Variants in AGBL4 observed in about 807,000 individuals in gnomAD.
AGBL4 encodes AGBL carboxypeptidase 4.
A neutral mutation model predicts 66.4 loss-of-function variants in AGBL4; 58 were observed. The ratio of observed to expected loss-of-function variants is 0.87; its 90% CI spans 0.71 to 1.09. The LOEUF is 1.09. Ranked by LOEUF, AGBL4 falls within the 50% of genes least tolerant of loss-of-function variation. The pLI, the probability that AGBL4 is intolerant of heterozygous loss-of-function variation, is 0.00. For missense variants in AGBL4, 579 were observed against 631.0 expected, an observed-to-expected ratio of 0.92 and a Z score of 0.88; for synonymous variants, 234 against 222.9, an observed-to-expected ratio of 1.05 and a Z score of -0.44.
intron 1 of AGBL4, among the ~76,000 whole-genome samples, chr1:49,961,965 G>A (rs2148345098): frequency 6.6e-6 from 1 of 152,182 alleles, no homozygotes; most frequent in South Asian, 2.1e-4. Context: ...GAATTCTTTT[G>A]GAGATCAAGT....
intron 4 of AGBL4, among the ~76,000 whole-genome samples, chr1:49,047,268 G>A (rs1334750696): frequency 1.3e-5 from 2 of 152,108 alleles, no homozygotes; most frequent in Non-Finnish European, 2.9e-5. Flanking sequence ...GATGGGCCAT[G>A]GGGTCTAAGG....
At chr1:48,842,301 A>T (rs971573238) in intron 6 of AGBL4, among the ~76,000 whole-genome samples, 4 of 151,812 alleles carry the variant, frequency 2.6e-5, no homozygotes, top group African/African-American at 4.8e-5. Context: ...AGTGTATTTC[A>T]CTGAAGATGA....
intron 11 of AGBL4, among the ~76,000 whole-genome samples, chr1:48,575,275 G>T (rs1644633981): frequency 6.6e-6 from 1 of 152,112 alleles, no homozygotes; most frequent in Non-Finnish European, 1.5e-5. Context: ...AACTGGATCT[G>T]GGCTCCCGAG....
chr1:49,105,193 T>C (rs924985148), intron 4 of AGBL4, among the ~76,000 whole-genome samples: 10 of 152,300 alleles, frequency 6.6e-5, no homozygotes, highest in African/African-American at 2.2e-4. Context: ...AGGACAGGCA[T>C]GGCTTTTGCA....
intron 5 of AGBL4, among the ~76,000 whole-genome samples, chr1:48,904,267 T>G (rs1652371313): frequency 6.6e-6 from 1 of 152,110 alleles, no homozygotes; most frequent in African/African-American, 2.4e-5. Flanking sequence ...TGAGAGAGAC[T>G]CCATCTCAAG....
chr1:48,908,909 A>G (rs1310855948), intron 5 of AGBL4, among the ~76,000 whole-genome samples: 1 of 126,504 alleles, frequency 7.9e-6, no homozygotes, highest in East Asian at 2.4e-4. Context: ...GGCAAAGCAG[A>G]ACATAAATCA....
rs374868998 is a variant in AGBL4, at chr1:49,279,333, C to T, written c.283-33469G>A. On this transcript the variant is annotated intron_variant, in intron 3 of 13. Coordinates refer to ENST00000371839, the MANE Select transcript of AGBL4 (RefSeq NM_032785.4). ...CAAGGATTAGGATGACAAAGCCAGGCGCTGTCTTCAACTCAGCAAGTAAAT... is the reference window on the plus strand; with the variant it reads ...CAAGGATTAGGATGACAAAGCCAGGTGCTGTCTTCAACTCAGCAAGTAAAT... Among the ~76,000 whole-genome samples, 216 of 152,240 alleles carry T rather than the reference C, an allele frequency of 1.4e-3. 2 individuals are homozygous for T. Among genetic ancestry groups the T allele is most frequent in the South Asian group, 9.5e-3 (46 of 4,824 alleles).
intron 3 of AGBL4, among the ~76,000 whole-genome samples, chr1:49,368,162 G>A (rs1280984927): frequency 6.6e-6 from 1 of 152,060 alleles, no homozygotes; most frequent in Non-Finnish European, 1.5e-5. Context: ...CTCATCCATT[G>A]ATAGACACTG....
intron 2 of AGBL4, among the ~76,000 whole-genome samples, chr1:49,841,419 C>G (rs1165439049): frequency 1.3e-5 from 2 of 152,092 alleles, no homozygotes; most frequent in Non-Finnish European, 2.9e-5. Flanking sequence ...GCCATACTGT[C>G]CAAAACAACT....
chr1:49,280,645 G>C (rs561133044), intron 3 of AGBL4, among the ~76,000 whole-genome samples: 11 of 152,332 alleles, frequency 7.2e-5, no homozygotes, highest in Admixed American at 1.3e-4. Flanking sequence ...ACGAATTAAG[G>C]AGTATAGACA....
At chr1:50,008,281 C>T (rs1388769422) in intron 1 of AGBL4, among the ~76,000 whole-genome samples, 2 of 152,126 alleles carry the variant, frequency 1.3e-5, no homozygotes, top group Admixed American at 6.5e-5. Flanking sequence ...CAAAACAAGT[C>T]TTTAAAATTT....
intron 6 of AGBL4, among the ~76,000 whole-genome samples, chr1:48,732,952 G>A (rs1008547781): frequency 2.0e-5 from 3 of 152,210 alleles, no homozygotes; most frequent in African/African-American, 4.8e-5. Flanking sequence ...AGGAATGATC[G>A]TGTCAAACAG....
downstream of AGBL4, among the ~76,000 whole-genome samples, chr1:48,529,951 A>T (rs1643897051): frequency 6.6e-6 from 1 of 152,138 alleles, no homozygotes; most frequent in Non-Finnish European, 1.5e-5. Flanking sequence ...GGGCTTCAGC[A>T]GCAAGTGCTA....
rs572772013 is a variant in AGBL4, at chr1:48,575,756, C to G, written c.1267+11248G>C. On this transcript the variant is annotated intron_variant, in intron 11 of 13. Transcript: ENST00000371839. ...GATCCCCTCAAGGTTAGGTTAGATGCTTCTTTTCTCCATGTCCTGTGTTCC... is the reference window on the plus strand; with the variant it reads ...GATCCCCTCAAGGTTAGGTTAGATGGTTCTTTTCTCCATGTCCTGTGTTCC... Among the ~76,000 whole-genome samples, 4 of 152,304 alleles carry G rather than the reference C, an allele frequency of 2.6e-5. No homozygotes were observed. The South Asian group carries it at 8.3e-4, about 32-fold the overall frequency.
intron 3 of AGBL4, among the ~76,000 whole-genome samples, chr1:49,346,098 A>G (rs1375297633): frequency 6.6e-6 from 1 of 152,200 alleles, no homozygotes; most frequent in Admixed American, 6.5e-5. Context: ...AATCAGTCCA[A>G]GTTTAATAAG....
chr1:49,369,688 A>G (rs1266690051), intron 3 of AGBL4, among the ~76,000 whole-genome samples: 1 of 152,144 alleles, frequency 6.6e-6, no homozygotes, highest in Non-Finnish European at 1.5e-5. Flanking sequence ...TGCTCAGTGT[A>G]TGGGTATATG....
At chr1:49,630,454 T>C (rs775059805) in intron 3 of AGBL4, among the ~76,000 whole-genome samples, 3 of 152,194 alleles carry the variant, frequency 2.0e-5, no homozygotes, top group Non-Finnish European at 4.4e-5. Flanking sequence ...CTTTATCGTG[T>C]GTCAGGGTAC....
intron 3 of AGBL4, among the ~76,000 whole-genome samples, chr1:49,563,382 G>A (rs553870522): frequency 3.9e-5 from 6 of 152,082 alleles, no homozygotes; most frequent in Non-Finnish European, 8.8e-5. Flanking sequence ...TCCCTGTCTT[G>A]TGCCAGTTTT....
Position 48,685,047 on chromosome 1 carries a change from T to C in AGBL4, c.635-21806A>G, listed in dbSNP as rs113854849. On this transcript the variant is annotated intron_variant, in intron 6 of 13. Transcript: ENST00000371839. ...GACTGGAGCAGACACTCTGGAGATA[T>C]AGGCTGAGGCAGAGACATGGTGCAT... is the stretch of plus-strand genomic sequence containing the variant. Among the ~76,000 whole-genome samples, 1,298 of 152,218 alleles carry C rather than the reference T, an allele frequency of 8.5e-3. 18 individuals carry two copies. Among genetic ancestry groups the C allele is most frequent in the African/African-American group, 0.029 (1,194 of 41,514 alleles).
Sources: gnomAD v4.1 joint callset for allele counts (sites outside exome capture counted in the v4.1 genomes callset) on GRCh38, gnomAD v4.1.1 for gene constraint, MANE v1.5 for transcripts, NCBI Gene and HGNC (gene_info 2026-07-23, HGNC 2026-07-21) for gene names.